MYCBP2: variants seen among roughly 807,000 people sequenced by gnomAD.
MYCBP2 encodes the protein E3 ubiquitin-protein ligase MYCBP2.
In MYCBP2, 120 loss-of-function variants were observed where a neutral mutation model predicts 525.3. That is an observed-to-expected ratio of 0.23 (90% CI 0.20 to 0.27). The LOEUF (loss-of-function observed/expected upper bound fraction) is 0.27. Ranked by LOEUF, MYCBP2 falls within the 10% of genes least tolerant of loss-of-function variation. The probability of loss-of-function intolerance (pLI) is 1.00; values close to 1 mark genes in which losing one functional copy is unlikely to be tolerated. For synonymous variants in MYCBP2, 1,894 were observed against 1,955.8 expected (o/e 0.97, Z 0.83); for missense variants, 4,149 against 5,657.1 (o/e 0.73, Z 8.55).
intron 2 of MYCBP2, among the ~76,000 whole-genome samples, chr13:77,294,535 A>G (rs2077967594): frequency 6.6e-6 from 1 of 152,168 alleles, no homozygotes; most frequent in South Asian, 2.1e-4. Context: ...TGAAGGGGAC[A>G]AAAGACCTTG....
intron 27 of MYCBP2, 103 bp from the exon 28 acceptor site, chr13:77,191,916 T>C: frequency 1.8e-6 from 2 of 1,105,752 alleles, no homozygotes; most frequent in Non-Finnish European, 2.6e-6. Context: ...AAACTAACTG[T>C]ATTATAAAAT....
intron 62 of MYCBP2, among the ~76,000 whole-genome samples, chr13:77,087,096 T>A (rs1417615888): frequency 6.6e-6 from 1 of 152,202 alleles, no homozygotes; most frequent in African/African-American, 2.4e-5. Flanking sequence ...AGAATTTGAC[T>A]ATGATAATGT....
intron 4 of MYCBP2, among the ~76,000 whole-genome samples, chr13:77,275,281 A>G (rs1399653540): frequency 1.3e-5 from 2 of 152,204 alleles, no homozygotes; most frequent in African/African-American, 4.8e-5. Flanking sequence ...CTCCTAGCCC[A>G]CTAATCAAAT....
chr13:77,088,864 T>A lies in MYCBP2; in HGVS notation c.10693A>T (p.Arg3565Trp). ...GCAAAAACTCGACAAGCAGATTTCC[T>A]TAGGGCCTGTTTCATTGCTATTTCA... ...GLEIAMKQAL[R>W]KSACRVFAME... The change falls in exon 61 of 83, where the codon AGG (arginine) becomes TGG (tryptophan). Residue 3565 changes from arginine (R) to tryptophan (W), a missense_variant. Coordinates refer to ENST00000544440, the MANE Select transcript of MYCBP2 (RefSeq NM_015057.5). 2 of 1,612,884 alleles carry A rather than the reference T, an allele frequency of 1.2e-6. No homozygotes were observed. Among genetic ancestry groups the A allele is most frequent in the East Asian group, 4.5e-5 (2 of 44,824 alleles).
intron 1 of MYCBP2, among the ~76,000 whole-genome samples, chr13:77,319,875 G>A (rs1284269971): frequency 6.6e-6 from 1 of 152,168 alleles, no homozygotes; most frequent in African/African-American, 2.4e-5. Context: ...ACCACTCCTG[G>A]CACCAACTGC....
chr13:77,285,655 A>G (rs2076649922), intron 3 of MYCBP2, among the ~76,000 whole-genome samples: 1 of 152,018 alleles, frequency 6.6e-6, no homozygotes, highest in African/African-American at 2.4e-5. Context: ...GCGCGGTGGC[A>G]CATGCCTGTA....
At chr13:77,171,865 G>A (rs1334579184) in intron 37 of MYCBP2, among the ~76,000 whole-genome samples, 1 of 152,112 alleles carries the variant, frequency 6.6e-6, no homozygotes, top group East Asian at 1.9e-4. Context: ...AGTTCTCCGA[G>A]GAACTCATAT....
At chr13:77,050,954 G>A in intron 82 of MYCBP2, 43 bp downstream of exon 82, 1 of 1,509,264 alleles carries the variant, frequency 6.6e-7, no homozygotes. Flanking sequence ...TAAAACTATG[G>A]TATATAGATC....
rs926228061 is a variant in MYCBP2, at chr13:77,090,454, T to C, written c.10368-191A>G. 118 of 409,018 alleles carry C rather than the reference T, an allele frequency of 2.9e-4. 1 individual carries two copies. The East Asian group carries it at 4.4e-3, about 15-fold the overall frequency. 25.3% of individuals were successfully genotyped at this position (409,018 alleles called of 1,614,324 possible). On this transcript the variant is annotated intron_variant, in intron 59 of 82. Coordinates refer to ENST00000544440, the MANE Select transcript of MYCBP2 (RefSeq NM_015057.5). ...AGTAACATTTTGACTGATTTCAGCA[T>C]TGTACCTTAAAACTTATGGTTTTCT...
intron 21 of MYCBP2, among the ~76,000 whole-genome samples, chr13:77,213,157 T>C (rs1242553131): frequency 6.6e-6 from 1 of 152,162 alleles, no homozygotes; most frequent in East Asian, 1.9e-4. Flanking sequence ...TCCTTATTTT[T>C]TGACAAAAAT....
intron 26 of MYCBP2, among the ~76,000 whole-genome samples, chr13:77,203,464 T>C (rs1027709590): frequency 1.3e-5 from 2 of 151,880 alleles, no homozygotes; most frequent in Non-Finnish European, 2.9e-5. Flanking sequence ...AAAATGGCCA[T>C]ACTGCCCAAG....
chr13:77,316,652 C>T (rs566424673), intron 1 of MYCBP2, among the ~76,000 whole-genome samples: 1 of 145,584 alleles, frequency 6.9e-6, no homozygotes, highest in East Asian at 1.9e-4. Context: ...GTGGGTCAAA[C>T]CACAGCCCCA....
At chr13:77,107,446 A>C (rs1042859560) in intron 55 of MYCBP2, among the ~76,000 whole-genome samples, 2 of 152,162 alleles carry the variant, frequency 1.3e-5, no homozygotes, top group Non-Finnish European at 2.9e-5. Context: ...ATTTTTCAGA[A>C]AGTGACAGGA....
At chr13:77,176,707 T>C in intron 35 of MYCBP2, 79 bp from the exon 36 acceptor site, 3 of 1,113,516 alleles carry the variant, frequency 2.7e-6, no homozygotes, top group Non-Finnish European at 3.5e-6. Flanking sequence ...TTATAATTAT[T>C]ATTTTTAAAA....
intron 68 of MYCBP2, among the ~76,000 whole-genome samples, chr13:77,071,802 T>C (rs775230354): frequency 3.3e-5 from 5 of 152,194 alleles, no homozygotes; most frequent in Admixed American, 2.0e-4. Context: ...GGACATTCAC[T>C]AAAACAGACT....
At chr13:77,053,466 C>G (rs777400845) in intron 80 of MYCBP2, among the ~76,000 whole-genome samples, 1 of 152,180 alleles carries the variant, frequency 6.6e-6, no homozygotes, top group Non-Finnish European at 1.5e-5. Flanking sequence ...GGTCCAAAGA[C>G]AGGATCCATT....
intron 73 of MYCBP2, among the ~76,000 whole-genome samples, chr13:77,063,982 A>G (rs962730087): frequency 1.8e-4 from 28 of 152,190 alleles, no homozygotes; most frequent in African/African-American, 6.8e-4. Context: ...TTTTACCAGC[A>G]TTCACTTCTT....
At chr13:77,212,848 C>T (rs1330346446) in intron 21 of MYCBP2, among the ~76,000 whole-genome samples, 1 of 152,120 alleles carries the variant, frequency 6.6e-6, no homozygotes, top group East Asian at 1.9e-4. Flanking sequence ...AAGCCTGTAG[C>T]TGAAAAAGAA....
chr13:77,146,774 C>A (rs1414648122), intron 47 of MYCBP2, among the ~76,000 whole-genome samples: 4 of 152,038 alleles, frequency 2.6e-5, no homozygotes, highest in Non-Finnish European at 4.4e-5. Context: ...AAGAACCAAG[C>A]GCAGAGGAGA....
Sources: gnomAD v4.1 joint callset for allele counts (sites outside exome capture counted in the v4.1 genomes callset) on GRCh38, gnomAD v4.1.1 for gene constraint, MANE v1.5 for transcripts, NCBI Gene and HGNC (gene_info 2026-07-23, HGNC 2026-07-21) for gene names.